GAB2: variants seen among roughly 807,000 people sequenced by gnomAD.
GAB2 encodes GRB2 associated binding protein 2.
A neutral mutation model predicts 65.5 loss-of-function variants in GAB2; 26 were observed. The ratio of observed to expected loss-of-function variants is 0.40; its 90% CI spans 0.29 to 0.55. The LOEUF is 0.55. Ranked by LOEUF, GAB2 falls within the 20% of genes least tolerant of loss-of-function variation. The probability of loss-of-function intolerance (pLI) is 0.53; values close to 1 mark genes in which losing one functional copy is unlikely to be tolerated. For missense variants in GAB2, 884 were observed against 875.8 expected, an observed-to-expected ratio of 1.01 and a Z score of -0.12; for synonymous variants, 321 against 329.6, an observed-to-expected ratio of 0.97 and a Z score of 0.28.
At position 78,338,759 on chromosome 11, in the gene GAB2, T is replaced by C. The variant is rs1856044569; in HGVS notation, c.76-57858A>G. Among the ~76,000 whole-genome samples, 3 of 152,198 alleles carry C rather than the reference T, an allele frequency of 2.0e-5. No homozygotes were observed. The South Asian group carries it at 6.2e-4, about 32-fold the overall frequency. On this transcript the variant is annotated intron_variant, in intron 1 of 9. Coordinates refer to ENST00000361507, the MANE Select transcript of GAB2 (RefSeq NM_080491.3). Reference sequence around the variant, plus strand: ...GTTTGAAGGACCAGTCATCCCATGATTGTCACAGCCATTCTCCTCATAAAA... The same window carrying C: ...GTTTGAAGGACCAGTCATCCCATGACTGTCACAGCCATTCTCCTCATAAAA...
intron 1 of GAB2, among the ~76,000 whole-genome samples, chr11:78,416,425 G>A (rs1022136232): frequency 2.0e-5 from 3 of 152,220 alleles, no homozygotes; most frequent in African/African-American, 7.2e-5. Flanking sequence ...GATCTGGGGA[G>A]CCAAGACAGG....
Position 78,417,509 on chromosome 11 carries a change from C to T in GAB2, c.75+137G>A, listed in dbSNP as rs555396823. ...GGTGTGCAGGTGCCCCACACGCCCC[C>T]GGCCGCTCCTCGCCCCCGGCCCCCC... On this transcript the variant is annotated intron_variant, in intron 1 of 9. Transcript: ENST00000361507. 290 of 290,896 alleles carry T rather than the reference C, an allele frequency of 1.0e-3. 2 individuals carry two copies. Among genetic ancestry groups the T allele is most frequent in the African/African-American group, 6.2e-3 (274 of 43,962 alleles). The allele number at this position is 290,896 out of a possible 1,614,324, so 18.0% of individuals were successfully genotyped here.
intron 2 of GAB2, among the ~76,000 whole-genome samples, chr11:78,270,969 C>T (rs867940383): frequency 2.0e-5 from 3 of 152,220 alleles, no homozygotes; most frequent in Non-Finnish European, 4.4e-5. Flanking sequence ...AGCTAGCTGC[C>T]TTTCGGAGTC....
At chr11:78,330,143 G>A (rs953795994) in intron 1 of GAB2, among the ~76,000 whole-genome samples, 1 of 152,174 alleles carries the variant, frequency 6.6e-6, no homozygotes, top group South Asian at 2.1e-4. Context: ...CAGCTATGGG[G>A]TGTGGGTGGG....
At position 78,223,474 on chromosome 11, in the gene GAB2, G is replaced by C. The variant is rs778004853; in HGVS notation, c.1505C>G (p.Pro502Arg). 6.2e-7 allele frequency: 1 copy of C among 1,600,034 alleles called. No individual in the cohort carries two copies. Among genetic ancestry groups the C allele is most frequent in the East Asian group, 2.3e-5 (1 of 44,396 alleles). The change falls in exon 6 of 10, where the codon CCC (proline) becomes CGC (arginine). Residue 502 changes from proline (P) to arginine (R), a missense_variant. Coordinates refer to ENST00000361507, the MANE Select transcript of GAB2 (RefSeq NM_080491.3). The part of the protein sequence containing the change: ...PSTTLPVHRG[P>R]SRGSEIQPPP... ...TGGCTGAATCTCACTTCCTCTGCTG[G>C]GGCCTCGGTGCACAGGAAGGGTTGT...
chr11:78,262,154 G>A (rs982552258), intron 2 of GAB2, among the ~76,000 whole-genome samples: 1 of 151,452 alleles, frequency 6.6e-6, no homozygotes, highest in African/African-American at 2.4e-5. Flanking sequence ...AAGAGCTCCA[G>A]TTTTGCCTAG....
rs769065762 is a variant in GAB2, at chr11:78,417,742, G to C, written c.-22C>G. ...TCATGCTGCCGGCCTGGAGCCCCCC[G>C]CCGGGTCGCGCGGACGAGGGCGCGG... On this transcript the variant is annotated 5_prime_UTR_variant, in exon 1 of 10. Transcript: ENST00000361507. The C allele has an allele frequency of 3.3e-6, 4 of 1,225,634 alleles. No individual in the cohort carries two copies. The East Asian group carries it at 1.4e-4, about 42-fold the overall frequency. 75.9% of individuals were successfully genotyped at this position (1,225,634 alleles called of 1,614,324 possible). A position where few individuals can be genotyped will look rare whatever the true frequency, so the allele number is the denominator to read the frequency against.
chr11:78,220,823 C>G (rs1864386896), intron 8 of GAB2, among the ~76,000 whole-genome samples: 1 of 152,212 alleles, frequency 6.6e-6, no homozygotes, highest in Non-Finnish European at 1.5e-5. Context: ...AGTGGCTCTC[C>G]TGAGACATCC....
chr11:78,296,123 G>C (rs7104222), intron 1 of GAB2, among the ~76,000 whole-genome samples: 1 of 152,090 alleles, frequency 6.6e-6, no homozygotes, highest in Non-Finnish European at 1.5e-5. Flanking sequence ...ATGAGAATCT[G>C]ATGTCACCGC....
intron 1 of GAB2, among the ~76,000 whole-genome samples, chr11:78,306,173 G>T (rs1459722732): frequency 6.6e-6 from 1 of 152,144 alleles, no homozygotes; most frequent in African/African-American, 2.4e-5. Context: ...AATATAACCT[G>T]ATTTACTAAT....
At chr11:78,304,402 A>G (rs1855304572) in intron 1 of GAB2, among the ~76,000 whole-genome samples, 1 of 152,098 alleles carries the variant, frequency 6.6e-6, no homozygotes, top group African/African-American at 2.4e-5. Context: ...CTAATCTCCT[A>G]TTAACCTTTT....
At chr11:78,238,537 TAA>T (rs61625813) in intron 3 of GAB2, among the ~76,000 whole-genome samples, 3 of 134,970 alleles carry the variant, frequency 2.2e-5, no homozygotes, top group Non-Finnish European at 3.2e-5. Context: ...TAAACTAGAT[TAA>T]AAAAAAAAAA....
At chr11:78,254,054 G>C (rs983545786) in intron 2 of GAB2, among the ~76,000 whole-genome samples, 3 of 152,150 alleles carry the variant, frequency 2.0e-5, no homozygotes, top group Non-Finnish European at 4.4e-5. Context: ...TCAGCCTGTG[G>C]AGTCATATCT....
intron 1 of GAB2, among the ~76,000 whole-genome samples, chr11:78,308,421 G>C (rs1855417906): frequency 6.6e-6 from 1 of 152,106 alleles, no homozygotes; most frequent in Non-Finnish European, 1.5e-5. Flanking sequence ...GGGGAGAGAG[G>C]TCACTGCAAA....
intron 2 of GAB2, among the ~76,000 whole-genome samples, chr11:78,255,761 AT>A (rs1206627702): frequency 1.3e-5 from 2 of 152,186 alleles, no homozygotes; most frequent in Non-Finnish European, 2.9e-5. Context: ...GACAGGGCTG[AT>A]TAGTAGACCT....
intron 1 of GAB2, among the ~76,000 whole-genome samples, chr11:78,409,669 T>C (rs1857101982): frequency 6.6e-6 from 1 of 152,168 alleles, no homozygotes; most frequent in Admixed American, 6.6e-5. Flanking sequence ...ACAATTATAG[T>C]TGGAAACTTC....
intron 1 of GAB2, among the ~76,000 whole-genome samples, chr11:78,365,582 C>T (rs564021134): frequency 5.3e-5 from 8 of 152,174 alleles, no homozygotes; most frequent in African/African-American, 1.4e-4. Flanking sequence ...ATTCCTTGAT[C>T]CAAAAAATGA....
intron 1 of GAB2, among the ~76,000 whole-genome samples, chr11:78,337,504 CCT>C (rs1455766837): frequency 6.6e-6 from 1 of 152,034 alleles, no homozygotes; most frequent in Non-Finnish European, 1.5e-5. Context: ...TGTTTTCTCC[CCT>C]GACAACCCAC....
chr11:78,293,047 C>T (rs775772755), intron 1 of GAB2, among the ~76,000 whole-genome samples: 2 of 152,206 alleles, frequency 1.3e-5, no homozygotes, highest in African/African-American at 2.4e-5. Context: ...ACACTGGCCA[C>T]AGAGTTTATG....
Sources: gnomAD v4.1 joint callset for allele counts (sites outside exome capture counted in the v4.1 genomes callset) on GRCh38, gnomAD v4.1.1 for gene constraint, MANE v1.5 for transcripts, NCBI Gene and HGNC (gene_info 2026-07-23, HGNC 2026-07-21) for gene names.